The following TBC1D32 variants were observed in gnomAD, a reference collection of about 807,000 sequenced individuals.
The protein encoded by TBC1D32 is protein broad-minded.
Under a neutral mutation model 170.3 loss-of-function variants are expected in TBC1D32, and 151 were observed. That is an observed-to-expected ratio of 0.89 (90% CI 0.78 to 1.01). TBC1D32 has a LOEUF of 1.01. Among genes scored for constraint, TBC1D32 ranks in the 50% least tolerant of loss-of-function variants. The probability of loss-of-function intolerance (pLI) is 0.00; values close to 1 mark genes in which losing one functional copy is unlikely to be tolerated. For synonymous variants in TBC1D32, 498 were observed against 488.0 expected, an observed-to-expected ratio of 1.02 and a Z score of -0.27; for missense variants, 1,464 against 1,457.1, an observed-to-expected ratio of 1.00 and a Z score of -0.08.
intron 22 of TBC1D32, among the ~76,000 whole-genome samples, chr6:121,168,256 T>G (rs1480167024): frequency 1.5e-5 from 2 of 132,878 alleles, no homozygotes; most frequent in Non-Finnish European, 3.1e-5. Flanking sequence ...TAAAGACACA[T>G]GCACACGTAT....
intron 13 of TBC1D32, among the ~76,000 whole-genome samples, chr6:121,282,402 T>C (rs1331086409): frequency 1.3e-5 from 2 of 151,762 alleles, no homozygotes; most frequent in Middle Eastern, 3.2e-3. Context: ...CCTAGTAAGA[T>C]ACAACACTTT....
chr6:121,287,291 T>C (rs1804020577), intron 12 of TBC1D32, among the ~76,000 whole-genome samples: 1 of 151,050 alleles, frequency 6.6e-6, no homozygotes, highest in Non-Finnish European at 1.5e-5. Flanking sequence ...AGGCTGAAAA[T>C]AAAAGGATGA....
chr6:121,146,744 T>C (rs752804949), intron 24 of TBC1D32, among the ~76,000 whole-genome samples: 10 of 152,364 alleles, frequency 6.6e-5, no homozygotes, highest in South Asian at 4.1e-4. Flanking sequence ...TATACTTCTC[T>C]GAGCACTGAT....
chr6:121,120,531 C>G (rs1359075609), intron 26 of TBC1D32, among the ~76,000 whole-genome samples: 1 of 152,016 alleles, frequency 6.6e-6, no homozygotes, highest in African/African-American at 2.4e-5. Flanking sequence ...ACTTCTTACT[C>G]ATTTCCTATT....
intron 25 of TBC1D32, 25 bp downstream of exon 25, chr6:121,131,602 C>G: frequency 6.3e-7 from 1 of 1,587,682 alleles, no homozygotes; most frequent in Non-Finnish European, 8.6e-7. Context: ...CATAAGAAAA[C>G]CCACAATGGA....
At chr6:121,151,684 C>T (rs965838822) in intron 24 of TBC1D32, among the ~76,000 whole-genome samples, 1 of 152,118 alleles carries the variant, frequency 6.6e-6, no homozygotes, top group South Asian at 2.1e-4. Context: ...TCTAGGTGCT[C>T]TTGTATTGGG....
chr6:121,318,448 A>G (rs1185421583), intron 2 of TBC1D32, among the ~76,000 whole-genome samples: 1 of 152,142 alleles, frequency 6.6e-6, no homozygotes, highest in Non-Finnish European at 1.5e-5. Flanking sequence ...CCATAAATAT[A>G]GTCTAGCTCT....
chr6:121,114,495 A>G (rs1426256428), intron 27 of TBC1D32, among the ~76,000 whole-genome samples: 4 of 152,200 alleles, frequency 2.6e-5, no homozygotes, highest in Non-Finnish European at 5.9e-5. Context: ...TAAGAGAATC[A>G]TATGCCCTAT....
chr6:121,204,787 A>G (rs1792017441), intron 22 of TBC1D32, among the ~76,000 whole-genome samples: 1 of 151,682 alleles, frequency 6.6e-6, no homozygotes, highest in African/African-American at 2.4e-5. Flanking sequence ...GGGAAGGTCA[A>G]GTTGACTCCT....
intron 24 of TBC1D32, among the ~76,000 whole-genome samples, chr6:121,149,184 A>C (rs1201052625): frequency 2.0e-5 from 3 of 151,512 alleles, no homozygotes; most frequent in Non-Finnish European, 4.4e-5. Context: ...TAGATTGAAA[A>C]TTTTTTCTCC....
intron 27 of TBC1D32, among the ~76,000 whole-genome samples, chr6:121,114,818 A>G (rs1005168180): frequency 3.3e-5 from 5 of 152,208 alleles, no homozygotes; most frequent in Admixed American, 3.3e-4. Flanking sequence ...TCTGTCCTTC[A>G]GGTACTTTTG....
chr6:121,322,153 G>T (rs1054575623), intron 1 of TBC1D32, among the ~76,000 whole-genome samples: 13 of 151,956 alleles, frequency 8.6e-5, no homozygotes, highest in African/African-American at 3.1e-4. Flanking sequence ...GAGCTGATGA[G>T]GAAAATCATC....
At chr6:121,180,372 C>T (rs1788348185) in intron 22 of TBC1D32, among the ~76,000 whole-genome samples, 1 of 151,910 alleles carries the variant, frequency 6.6e-6, no homozygotes, top group Non-Finnish European at 1.5e-5. Context: ...CAAAAAGTAA[C>T]AAAATTAAAA....
Position 121,080,906 on chromosome 6 carries a change from A to G in TBC1D32, c.3655-16T>C. ...GTGCTTCTTCCTGCCAAAAATTACA[A>G]AGGGAAAATTATTTACTTGAGTAAG... is the stretch of plus-strand genomic sequence containing the variant. On this transcript the variant is annotated splice_polypyrimidine_tract_variant and intron_variant, in intron 31 of 31. Coordinates refer to ENST00000398212, the MANE Select transcript of TBC1D32 (RefSeq NM_152730.6). 6.2e-7 allele frequency: 1 copy of G among 1,604,780 alleles called. No individual in the cohort carries two copies. Among genetic ancestry groups the G allele is most frequent in the Non-Finnish European group, 8.5e-7 (1 of 1,177,390 alleles).
intron 17 of TBC1D32, among the ~76,000 whole-genome samples, chr6:121,243,297 G>A (rs565398195): frequency 2.0e-5 from 3 of 152,106 alleles, no homozygotes; most frequent in African/African-American, 7.2e-5. Flanking sequence ...ACTCAGAACA[G>A]TAGAAAGTAA....
In TBC1D32 at chr6:121,286,119, C is replaced by G. The variant is rs55642029; in HGVS notation, c.1373-2209G>C. Among the ~76,000 whole-genome samples the G allele has an allele frequency of 2.1e-3, 316 of 152,148 alleles. 1 individual carries two copies. The highest frequency in any genetic ancestry group is 7.3e-3 in the African/African-American group (304 of 41,484). On this transcript the variant is annotated intron_variant, in intron 12 of 31. Transcript: ENST00000398212. ...AAGGAACGCAGCTCCTAACCAGCAA[C>G]GGAACAAAGCTGGATGGAGAATGAC...
intron 15 of TBC1D32, among the ~76,000 whole-genome samples, chr6:121,267,880 A>G (rs1800761205): frequency 6.6e-6 from 1 of 152,096 alleles, no homozygotes. Flanking sequence ...GACACCTCAT[A>G]TAACCGGGTG....
chr6:121,278,067 T>C (rs1802471557), intron 15 of TBC1D32, among the ~76,000 whole-genome samples: 2 of 152,136 alleles, frequency 1.3e-5, no homozygotes, highest in Admixed American at 1.3e-4. Flanking sequence ...TAAGAGCAAG[T>C]AGGCAATCTG....
intron 19 of TBC1D32, among the ~76,000 whole-genome samples, chr6:121,239,629 G>A (rs1388014145): frequency 3.3e-5 from 5 of 152,094 alleles, no homozygotes. Context: ...CATCCAAAGA[G>A]TGTATGCTCC....
Sources: gnomAD v4.1 joint callset for allele counts (sites outside exome capture counted in the v4.1 genomes callset) on GRCh38, gnomAD v4.1.1 for gene constraint, MANE v1.5 for transcripts, NCBI Gene and HGNC (gene_info 2026-07-23, HGNC 2026-07-21) for gene names.